Variants in ZNF620 observed in about 807,000 individuals in gnomAD.
ZNF620 encodes zinc finger protein 620.
Under a neutral mutation model 13.3 loss-of-function variants are expected in ZNF620, and 10 were observed. The ratio of observed to expected loss-of-function variants is 0.75; its 90% CI spans 0.46 to 1.28. ZNF620 has a LOEUF of 1.28. ZNF620 is among the 50% of genes most tolerant of loss of function. The pLI, the probability that ZNF620 is intolerant of heterozygous loss-of-function variation, is 0.00. For missense variants in ZNF620, 461 were observed against 500.2 expected, an observed-to-expected ratio of 0.92 and a Z score of 0.75; for synonymous variants, 166 against 177.6, an observed-to-expected ratio of 0.93 and a Z score of 0.52.
chr3:40,507,594 T>G (rs1698068757), intron 2 of ZNF620, among the ~76,000 whole-genome samples: 2 of 152,204 alleles, frequency 1.3e-5, no homozygotes. Flanking sequence ...GTGATGTCTT[T>G]GTTCCATAGA....
chr3:40,514,392 A>G (rs559819999), intron 4 of ZNF620, among the ~76,000 whole-genome samples: 1 of 151,556 alleles, frequency 6.6e-6, no homozygotes, highest in African/African-American at 2.4e-5. Flanking sequence ...ATAATCAATA[A>G]CAGCACGGCC....
At position 40,516,182 on chromosome 3, in the gene ZNF620, T is replaced by C. The variant is rs376544228; in HGVS notation, c.588T>C (p.Tyr196=). The C allele has an allele frequency of 1.1e-5, 18 of 1,614,106 alleles. No homozygotes were observed. The highest frequency in any genetic ancestry group is 5.3e-5 in the African/African-American group (4 of 75,054). ...CAAATCCTAGTGGTCAGATATCTTATGAATGTGGACAATGTGGCAGATATT... is the reference window on the plus strand; with the variant it reads ...CAAATCCTAGTGGTCAGATATCTTACGAATGTGGACAATGTGGCAGATATT... ...NQTNPSGQIS[Y]ECGQCGRYFI... The change falls in exon 5 of 5, where the codon TAT becomes TAC. Residue 196 remains tyrosine (Y), a synonymous_variant. Transcript: ENST00000314529.
Position 40,516,925 on chromosome 3 carries a change from T to C in ZNF620, c.*62T>C. On this transcript the variant is annotated 3_prime_UTR_variant, in exon 5 of 5. Transcript: ENST00000314529. ...TTTCTCTTTATTTTCATGCTTTTTA[T>C]CAGTGTCCTCGCTGTCCTTCCTGGT... 1 of 1,506,752 alleles carries C rather than the reference T, an allele frequency of 6.6e-7. No homozygotes were observed. The highest frequency in any genetic ancestry group is 1.4e-5 in the South Asian group (1 of 72,264). The allele number at this position is 1,506,752 out of a possible 1,614,324, so 93.3% of individuals were successfully genotyped here.
intron 2 of ZNF620, among the ~76,000 whole-genome samples, chr3:40,507,337 A>G (rs6792325): frequency 0.52 from 78,598 of 151,846 alleles, 22,503 homozygotes; most frequent in African/African-American, 0.77. Context: ...TGATTCCCCC[A>G]CCTTGGCTTC....
In ZNF620 at chr3:40,511,578, G is replaced by A. The variant is rs567004369; in HGVS notation, c.133G>A (p.Ala45Thr). 1 of 1,613,128 alleles carries A rather than the reference G, an allele frequency of 6.2e-7. No individual in the cohort carries two copies. The highest frequency in any genetic ancestry group is 8.5e-7 in the Non-Finnish European group (1 of 1,179,628). Reference sequence around the variant, plus strand: ...CAGGGAAGTGATGCTGGAGAATTATGCAAATGTGGCTTCCCTGGGTAAGAC... The same window carrying A: ...CAGGGAAGTGATGCTGGAGAATTATACAAATGTGGCTTCCCTGGGTAAGAC... The part of the protein sequence containing the change: ...LYREVMLENY[A>T]NVASLAFPFT... The change falls in exon 3 of 5, where the codon GCA (alanine) becomes ACA (threonine). Residue 45 changes from alanine to threonine, a missense_variant. By Grantham distance (58) the Ala-to-Thr change is moderately conservative. Transcript: ENST00000314529.
intron 4 of ZNF620, among the ~76,000 whole-genome samples, chr3:40,513,889 G>A (rs1027283558): frequency 6.6e-6 from 1 of 152,180 alleles, no homozygotes; most frequent in Non-Finnish European, 1.5e-5. Flanking sequence ...ACAAGAGTGT[G>A]AGCACTCTGT....
At chr3:40,512,648 T>G (rs1698236567) in intron 4 of ZNF620, 133 bp downstream of exon 4, 1 of 666,692 alleles carries the variant, frequency 1.5e-6, no homozygotes, top group Non-Finnish European at 2.5e-6. Flanking sequence ...TGTGATTCTC[T>G]GAGTTCATGG....
chr3:40,506,389 C>G lies in ZNF620; in HGVS notation c.24+13C>G. On this transcript the variant is annotated intron_variant, in intron 2 of 4. Coordinates refer to ENST00000314529, the MANE Select transcript of ZNF620 (RefSeq NM_175888.4). ...CGCTTGGCGCCAGGTGAGTGAGCAT[C>G]CTCTCCCTCCCTCCCACCCTTTAGA... The G allele has an allele frequency of 6.2e-7, 1 of 1,612,554 alleles. No individual in the cohort carries two copies. Among genetic ancestry groups the G allele is most frequent in the African/African-American group, 1.3e-5 (1 of 74,976 alleles).
intron 4 of ZNF620, among the ~76,000 whole-genome samples, 195 bp from the exon 5 acceptor site, chr3:40,515,665 C>G (rs1272991813): frequency 6.6e-6 from 1 of 152,116 alleles, no homozygotes; most frequent in African/African-American, 2.4e-5. Flanking sequence ...ATGTCCCTTG[C>G]AGGGCTCTGT....
In ZNF620 at chr3:40,515,759, G is replaced by A. The variant is rs575209182; in HGVS notation, c.266-101G>A. ...GGGCAAATTAGAACCACTTGATTCT[G>A]TTTCTTCTTCAGCACAGATATTGTG... On this transcript the variant is annotated intron_variant, in intron 4 of 4. Transcript: ENST00000314529. 5.3e-5 allele frequency: 75 copies of A among 1,423,196 alleles called. 1 individual carries two copies. In the South Asian group the frequency reaches 1.0e-3, roughly 19 times the overall value. The allele number at this position is 1,423,196 out of a possible 1,614,324, so 88.2% of individuals were successfully genotyped here. A position where few individuals can be genotyped will look rare whatever the true frequency, so the allele number is the denominator to read the frequency against.
At chr3:40,513,316 A>ATATATATATATATATAT (rs1553657106) in intron 4 of ZNF620, among the ~76,000 whole-genome samples, 1 of 62,686 alleles carries the variant, frequency 1.6e-5, no homozygotes, top group Non-Finnish European at 2.7e-5. Context: ...AAAAAAAAAA[A>ATATATATATATATATAT]ATATATATAT....
intron 4 of ZNF620, 81 bp downstream of exon 4, chr3:40,512,596 C>A: frequency 9.8e-7 from 1 of 1,019,824 alleles, no homozygotes; most frequent in Non-Finnish European, 1.4e-6. Flanking sequence ...AGAAGTGTTT[C>A]TTCTCTTGGG....
chr3:40,516,532 G>A lies in ZNF620; in HGVS notation c.938G>A (p.Cys313Tyr). 1 of 1,614,196 alleles carries A rather than the reference G, an allele frequency of 6.2e-7. No individual in the cohort carries two copies. Among genetic ancestry groups the A allele is most frequent in the Non-Finnish European group, 8.5e-7 (1 of 1,180,024 alleles). ...GAGAAGCTCTATGAATGTAACGAAT[G>A]TTGGAAAACTTTCAGTTGCAGCTCA... is the stretch of plus-strand genomic sequence containing the variant. ...TGEKLYECNECWKTFSCSSSF... is the reference protein window; with the variant it reads ...TGEKLYECNEYWKTFSCSSSF... The change falls in exon 5 of 5, where the codon TGT becomes TAT. Residue 313 changes from cysteine to tyrosine, a missense_variant. Physicochemically the swap from Cys to Tyr is radical, Grantham distance 194. Transcript: ENST00000314529.
chr3:40,506,207 A>G, intron 1 of ZNF620, 69 bp downstream of exon 1: 1 of 990,494 alleles, frequency 1.0e-6, no homozygotes. Flanking sequence ...TGGGGTGAGG[A>G]GTTGGCGGAA....
At position 40,518,414 on chromosome 3, in the gene ZNF620, A is replaced by G. The variant is rs1051033111; in HGVS notation, c.*1551A>G. On this transcript the variant is annotated 3_prime_UTR_variant, in exon 5 of 5. Coordinates refer to ENST00000314529, the MANE Select transcript of ZNF620 (RefSeq NM_175888.4). Reference sequence around the variant, plus strand: ...CATTATTTGTAGAAGTGTTTCAAACAGTGACTACATATAATAAAAGTATTA... The same window carrying G: ...CATTATTTGTAGAAGTGTTTCAAACGGTGACTACATATAATAAAAGTATTA... The G allele has an allele frequency of 1.3e-5, 2 of 152,216 alleles. No individual in the cohort carries two copies. Among genetic ancestry groups the G allele is most frequent in the Non-Finnish European group, 2.9e-5 (2 of 68,038 alleles). 9.4% of individuals were successfully genotyped at this position (152,216 alleles called of 1,614,324 possible). A position where few individuals can be genotyped will look rare whatever the true frequency, so the allele number is the denominator to read the frequency against.
chr3:40,510,362 C>G (rs1281644046), intron 2 of ZNF620, among the ~76,000 whole-genome samples: 1 of 152,114 alleles, frequency 6.6e-6, no homozygotes, highest in Non-Finnish European at 1.5e-5. Flanking sequence ...GTTGCCATCT[C>G]GACTTCCCAG....
At chr3:40,513,319 ATATATATATATATAT>A (rs1698265710) in intron 4 of ZNF620, among the ~76,000 whole-genome samples, 12 of 94,956 alleles carry the variant, frequency 1.3e-4, no homozygotes, top group East Asian at 5.8e-4. Flanking sequence ...AAAAAAAAAT[ATATATATATATATAT>A]ATATATATAT....
intron 2 of ZNF620, chr3:40,508,542 A>G (rs964609884): frequency 1.6e-5 from 4 of 255,662 alleles, no homozygotes; most frequent in South Asian, 1.1e-4. Flanking sequence ...GACTTGAATC[A>G]TTTTGATTTT....
rs368659966 is a variant in ZNF620, at chr3:40,507,155, G to C, written c.24+779G>C. On this transcript the variant is annotated intron_variant, in intron 2 of 4. Transcript: ENST00000314529. ...TCGACAGGCTGGAGTGCAGTGGCGC[G>C]ATCCTGGTTCACTGCACCCTCCACC... Among the ~76,000 whole-genome samples, 21 of 142,016 alleles carry C rather than the reference G, an allele frequency of 1.5e-4. No homozygotes were observed. In the East Asian group the frequency reaches 4.5e-3, roughly 31 times the overall value. 93.2% of individuals were successfully genotyped at this position (142,016 alleles called of 152,430 possible).
Sources: gnomAD v4.1 joint callset for allele counts (sites outside exome capture counted in the v4.1 genomes callset) on GRCh38, gnomAD v4.1.1 for gene constraint, MANE v1.5 for transcripts, NCBI Gene and HGNC (gene_info 2026-07-23, HGNC 2026-07-21) for gene names.